Variants in ATR observed in about 807,000 individuals in gnomAD.
ATR encodes ATR checkpoint kinase.
In ATR, 142 loss-of-function variants were observed where a neutral mutation model predicts 305.3. The ratio of observed to expected loss-of-function variants is 0.47; its 90% CI spans 0.41 to 0.53. ATR has a LOEUF of 0.53. Among genes scored for constraint, ATR ranks in the 20% least tolerant of loss-of-function variants. The probability of loss-of-function intolerance (pLI) is 0.00; values close to 1 mark genes in which losing one functional copy is unlikely to be tolerated. For synonymous variants in ATR, 1,050 were observed against 1,068.1 expected (o/e 0.98, Z 0.33); for missense variants, 2,135 against 3,133.1 (o/e 0.68, Z 7.60).
rs761186521 is a variant in ATR, at chr3:142,563,086, T to G, written c.316A>C (p.Arg106=). The G allele has an allele frequency of 2.5e-6, 4 of 1,603,716 alleles. No individual in the cohort carries two copies. The South Asian group carries it at 4.5e-5, about 18-fold the overall frequency. The part of the protein sequence containing the change: ...CIEFSNWIIT[R]LLRIAATPSC... Reference sequence around the variant, plus strand: ...GGAGTTGCTGCAATCCGCAGAAGTCTCGTTATGATCCAATTACTGAATTCT... The same window carrying G: ...GGAGTTGCTGCAATCCGCAGAAGTCGCGTTATGATCCAATTACTGAATTCT... The change falls in exon 4 of 47, where the codon AGA becomes CGA. Residue 106 remains arginine, a synonymous_variant. Transcript: ENST00000350721.
At position 142,559,368 on chromosome 3, in the gene ATR, A is replaced by T; in HGVS notation, c.1615T>A (p.Phe539Ile). 1 of 1,613,966 alleles carries T rather than the reference A, an allele frequency of 6.2e-7. No individual in the cohort carries two copies. Among genetic ancestry groups the T allele is most frequent in the Non-Finnish European group, 8.5e-7 (1 of 1,179,896 alleles). ...SVVITWMSLD[F>I]YTKVLKSCRS... Reference sequence around the variant, plus strand: ...CAGCTCTTAAGCACTTTTGTGTAAAAATCCAATGACATCCAAGTTATCACT... The same window carrying T: ...CAGCTCTTAAGCACTTTTGTGTAAATATCCAATGACATCCAAGTTATCACT... The change falls in exon 7 of 47, where the codon TTT (phenylalanine) becomes ATT (isoleucine). Residue 539 changes from phenylalanine to isoleucine, a missense_variant. Transcript: ENST00000350721.
At chr3:142,452,955 A>G (rs1408888456) in intron 46 of ATR, 173 bp downstream of exon 46, 6 of 1,476,362 alleles carry the variant, frequency 4.1e-6, no homozygotes, top group Non-Finnish European at 4.5e-6. Context: ...TACTGACAAT[A>G]AAGAAAACTT....
chr3:142,546,843 A>G (rs1055150585), intron 16 of ATR, among the ~76,000 whole-genome samples: 8 of 152,184 alleles, frequency 5.3e-5, no homozygotes, highest in Admixed American at 5.2e-4. Flanking sequence ...TGATCCTGAC[A>G]AAAGGAATTT....
At chr3:142,539,529 A>C (rs940261610) in intron 18 of ATR, among the ~76,000 whole-genome samples, 1 of 152,202 alleles carries the variant, frequency 6.6e-6, no homozygotes, top group African/African-American at 2.4e-5. Flanking sequence ...ATATTAAAAA[A>C]ACTTCACTGG....
At position 142,459,398 on chromosome 3, in the gene ATR, G is replaced by A. The variant is rs2070975825; in HGVS notation, c.7193-15C>T. 1.2e-6 allele frequency: 2 copies of A among 1,613,520 alleles called. No homozygotes were observed. The highest frequency in any genetic ancestry group is 1.7e-6 in the Non-Finnish European group (2 of 1,179,708). On this transcript the variant is annotated splice_polypyrimidine_tract_variant and intron_variant, in intron 42 of 46. Coordinates refer to ENST00000350721, the MANE Select transcript of ATR (RefSeq NM_001184.4). ...CATATACACTCCTGCAAGGAAGAGT[G>A]ATATCCATTAATCACATCAGCCAAA...
At chr3:142,501,286 T>A (rs1191103514) in intron 30 of ATR, among the ~76,000 whole-genome samples, 1 of 87,678 alleles carries the variant, frequency 1.1e-5, no homozygotes, top group African/African-American at 7.0e-5. Flanking sequence ...ATTTGAGCCA[T>A]GACTCTCCCA....
chr3:142,577,061 A>G (rs2035463640), intron 1 of ATR, among the ~76,000 whole-genome samples: 2 of 152,074 alleles, frequency 1.3e-5, no homozygotes, highest in African/African-American at 4.8e-5. Flanking sequence ...CAGTGGTAAC[A>G]CTTGTTTCAT....
In ATR at chr3:142,512,277, T is replaced by C. The variant is rs55894265; in HGVS notation, c.4835A>G (p.Asn1612Ser). Residue 1612 changes from asparagine (N) to serine (S), a missense_variant, in exon 27 of 47, where the codon AAT becomes AGT. Asn to Ser is a conservative substitution (Grantham distance 46). Transcript: ENST00000350721. ...TAACTCACCCATTGAGTCTACCTTA[T>C]TTCTGTTTGATTTGCTGTGTGGACA... is the stretch of plus-strand genomic sequence containing the variant. The part of the protein sequence containing the change: ...EKCPHSKSNR[N>S]KVDSMVSTVD... 3,661 of 1,612,710 alleles carry C rather than the reference T, an allele frequency of 2.3e-3. 65 individuals carry two copies. The African/African-American group carries it at 0.042, about 19-fold the overall frequency.
In ATR at chr3:142,562,400, G is replaced by A. The variant is rs1199866818; in HGVS notation, c.1002C>T (p.Leu334=). 7.4e-6 allele frequency: 12 copies of A among 1,613,998 alleles called. No homozygotes were observed. The highest frequency in any genetic ancestry group is 3.3e-5 in the South Asian group (3 of 91,076). Residue 334 remains leucine (L), a synonymous_variant, in exon 4 of 47, where the codon CTC becomes CTT. Coordinates refer to ENST00000350721, the MANE Select transcript of ATR (RefSeq NM_001184.4). ...TTAGCAAATCAGACTTAAGCCGCAT[G>A]AGCACACCGTCTTCAAACATGACAC... ...KLCVMFEDGV[L]MRLKSDLLKA...
chr3:142,517,391 G>A (rs568758603), intron 24 of ATR, among the ~76,000 whole-genome samples: 2 of 151,020 alleles, frequency 1.3e-5, no homozygotes, highest in East Asian at 3.9e-4. Flanking sequence ...TAACTTAAAG[G>A]CAGCAAAAAT....
At chr3:142,523,799 A>G (rs564590895) in intron 22 of ATR, among the ~76,000 whole-genome samples, 194 bp downstream of exon 22, 3 of 152,252 alleles carry the variant, frequency 2.0e-5, no homozygotes, top group Non-Finnish European at 4.4e-5. Flanking sequence ...AACACCCTAG[A>G]TGGGGTTCAA....
intron 28 of ATR, among the ~76,000 whole-genome samples, chr3:142,506,282 T>C (rs1232697676): frequency 6.6e-6 from 1 of 152,124 alleles, no homozygotes; most frequent in Non-Finnish European, 1.5e-5. Flanking sequence ...TATACTCTGG[T>C]TCCCAAAGAG....
intron 17 of ATR, 94 bp from the exon 18 acceptor site, chr3:142,541,128 G>C (rs1348919581): frequency 1.4e-6 from 2 of 1,460,002 alleles, no homozygotes; most frequent in Non-Finnish European, 1.9e-6. Flanking sequence ...CCCAGTATCA[G>C]GGTGTCATCT....
At position 142,550,315 on chromosome 3, in the gene ATR, C is replaced by A. The variant is rs2034429530; in HGVS notation, c.2806-13G>T. The A allele has an allele frequency of 2.5e-6, 4 of 1,613,092 alleles. No homozygotes were observed. The highest frequency in any genetic ancestry group is 4.5e-5 in the East Asian group (2 of 44,860). On this transcript the variant is annotated splice_polypyrimidine_tract_variant and intron_variant, in intron 13 of 46. Transcript: ENST00000350721. ...ATTCTACCAAAAACTAGAGCAAAAA[C>A]CATTTTATTGTGAGTTTTCACACAA...
chr3:142,450,295 G>T, intron 46 of ATR: 1 of 889,748 alleles, frequency 1.1e-6, no homozygotes, highest in Non-Finnish European at 1.8e-6. Context: ...ACCAGCTGCC[G>T]CTTATTTCTT....
intron 46 of ATR, chr3:142,451,748 TA>T: frequency 2.4e-5 from 25 of 1,033,706 alleles, no homozygotes; most frequent in East Asian, 1.3e-4. Context: ...CCCAGCTAAT[TA>T]AAAAAAAACA....
chr3:142,572,446 T>C (rs2035305583), intron 1 of ATR, among the ~76,000 whole-genome samples: 1 of 138,496 alleles, frequency 7.2e-6, no homozygotes, highest in African/African-American at 2.7e-5. Flanking sequence ...ACATATAGGA[T>C]CAATAGCATT....
Position 142,512,309 on chromosome 3 carries a change from A to C in ATR, c.4803T>G (p.Ala1601=). 6.2e-7 allele frequency: 1 copy of C among 1,613,366 alleles called. No individual in the cohort carries two copies. Among genetic ancestry groups the C allele is most frequent in the Non-Finnish European group, 8.5e-7 (1 of 1,179,922 alleles). The change falls in exon 27 of 47, where the codon GCT becomes GCG. Residue 1601 remains alanine (A), a synonymous_variant. Transcript: ENST00000350721. ...TTGATTTGCTGTGTGGACATTTCTC[A>C]GCTTTCAGTGCCTGAAATTTGTGCC... ...WARHKFQALK[A]EKCPHSKSNR...
rs760231098 is a variant in ATR at position 142,523,999 on chromosome 3, T to C, written c.4146A>G (p.Thr1382=). The change falls in exon 22 of 47, where the codon ACA becomes ACG. Residue 1382 remains threonine, a synonymous_variant. Transcript: ENST00000350721. ...STTETQGKDF[T]FVTGVEDSSF... ...CCAAATTTCCACTACTTACCACAAA[T>C]GTAAAATCTTTTCCTTGAGTTTCAG... The C allele has an allele frequency of 1.9e-6, 3 of 1,613,836 alleles. No homozygotes were observed. Among genetic ancestry groups the C allele is most frequent in the South Asian group, 1.1e-5 (1 of 91,070 alleles).
Sources: allele counts gnomAD v4.1 joint callset (sites outside exome capture counted in the v4.1 genomes callset), GRCh38; gene constraint gnomAD v4.1.1; transcripts MANE v1.5; gene names NCBI Gene and HGNC (gene_info 2026-07-23, HGNC 2026-07-21).